The following ZNF415 variants were observed in gnomAD, a reference collection of about 807,000 sequenced individuals.
ZNF415 encodes zinc finger protein 415.
Under a neutral mutation model 7.3 loss-of-function variants are expected in ZNF415, and 5 were observed. That is an observed-to-expected ratio of 0.69 (90% CI 0.36 to 1.44). The LOEUF is 1.44. Among genes scored for constraint, ZNF415 ranks in the 40% most tolerant of loss-of-function variants. The pLI, the probability that ZNF415 is intolerant of heterozygous loss-of-function variation, is 0.04. For missense variants in ZNF415, 628 were observed against 664.8 expected, an observed-to-expected ratio of 0.94 and a Z score of 0.61; for synonymous variants, 207 against 226.3, an observed-to-expected ratio of 0.91 and a Z score of 0.77.
chr19:53,131,227 T>C (rs2090036379), intron 1 of ZNF415, among the ~76,000 whole-genome samples: 1 of 151,964 alleles, frequency 6.6e-6, no homozygotes, highest in Non-Finnish European at 1.5e-5. Context: ...AGTCTTTCAC[T>C]TTCTGCCCAG....
At position 53,113,368 on chromosome 19, in the gene ZNF415, A is replaced by G. The variant is rs1342852385; in HGVS notation, c.136+2945T>C. On this transcript the variant is annotated intron_variant, in intron 3 of 3. Coordinates refer to ENST00000243643, the MANE Select transcript of ZNF415 (RefSeq NM_018355.4). ...CTAAAAATACAAAAATTAGCCGGGC[A>G]TGGTGGCGCACGCCTGTAGTCCCAG... Among the ~76,000 whole-genome samples the G allele has an allele frequency of 5.5e-4, 44 of 79,332 alleles. 18 individuals are homozygous for G. Among genetic ancestry groups the G allele is most frequent in the Non-Finnish European group, 7.3e-4 (29 of 39,634 alleles). 52.0% of individuals were successfully genotyped at this position (79,332 alleles called of 152,430 possible).
intron 3 of ZNF415, among the ~76,000 whole-genome samples, chr19:53,114,356 T>A (rs2086685144): frequency 6.6e-6 from 1 of 152,172 alleles, no homozygotes; most frequent in African/African-American, 2.4e-5. Flanking sequence ...TTTGTATTTT[T>A]AGTAGAGACG....
At chr19:53,129,849 A>C (rs2089812932) in intron 1 of ZNF415, 1 of 370,456 alleles carries the variant, frequency 2.7e-6, no homozygotes, top group Admixed American at 4.6e-5. Flanking sequence ...AGATTACTTG[A>C]GGCCAGGAGT....
chr19:53,109,737 T>C lies in ZNF415; in HGVS notation c.308A>G (p.Asp103Gly). ...AGTCACTTTGTTGCAATTTCTTTCA[T>C]CATCTCTCCACTGACAGTCAAAGTC... ...IHDFDCQWRD[D>G]ERNCNKVTTA... Residue 103 changes from aspartate (D) to glycine (G), a missense_variant, in exon 4 of 4, where the codon GAT becomes GGT. Asp to Gly is a moderately conservative substitution (Grantham distance 94). Transcript: ENST00000243643. 1 of 1,614,024 alleles carries C rather than the reference T, an allele frequency of 6.2e-7. No homozygotes were observed. The highest frequency in any genetic ancestry group is 8.5e-7 in the Non-Finnish European group (1 of 1,179,998).
In ZNF415 at chr19:53,126,018, CAA is replaced by C. The variant is rs58522981; in HGVS notation, c.-67-3277_-67-3276del. Among the ~76,000 whole-genome samples the C allele has an allele frequency of 5.8e-3, 641 of 111,228 alleles. 4 individuals are homozygous for C. Among genetic ancestry groups the C allele is most frequent in the African/African-American group, 0.016 (413 of 25,206 alleles). 73.0% of individuals were successfully genotyped at this position (111,228 alleles called of 152,430 possible). On this transcript the variant is annotated intron_variant, in intron 1 of 3. Coordinates refer to ENST00000243643, the MANE Select transcript of ZNF415 (RefSeq NM_018355.4). ...TTACCATTATTATTCCTGGTGTAGACAAAAAAAAAAAAAAAGAGCCTGGCACA... is the reference window on the plus strand; with the variant it reads ...TTACCATTATTATTCCTGGTGTAGACAAAAAAAAAAAAAGAGCCTGGCACA...
chr19:53,117,936 G>A (rs940625544), intron 2 of ZNF415, among the ~76,000 whole-genome samples: 2 of 152,102 alleles, frequency 1.3e-5, no homozygotes, highest in Admixed American at 1.3e-4. Flanking sequence ...AATTAATAAA[G>A]TGACAGTAAT....
intron 2 of ZNF415, among the ~76,000 whole-genome samples, chr19:53,119,372 G>A (rs1477972989): frequency 6.8e-6 from 1 of 146,566 alleles, no homozygotes; most frequent in Non-Finnish European, 1.5e-5. Flanking sequence ...TTGAACCAGG[G>A]AGGTGGAGGT....
At chr19:53,124,937 G>C (rs1403942070) in intron 1 of ZNF415, among the ~76,000 whole-genome samples, 1 of 152,148 alleles carries the variant, frequency 6.6e-6, no homozygotes, top group African/African-American at 2.4e-5. Flanking sequence ...CAGCTACACA[G>C]GGACAGAAGC....
intron 2 of ZNF415, among the ~76,000 whole-genome samples, chr19:53,120,909 C>CGAG: frequency 1.3e-5 from 2 of 151,444 alleles, no homozygotes; most frequent in East Asian, 3.9e-4. Context: ...CACGGTGAAA[C>CGAG]CCCGTCTCTA....
At chr19:53,127,359 A>G (rs2089320658) in intron 1 of ZNF415, among the ~76,000 whole-genome samples, 1 of 152,192 alleles carries the variant, frequency 6.6e-6, no homozygotes, top group African/African-American at 2.4e-5. Context: ...AAATTTCGCA[A>G]GTCCCAGTAA....
At chr19:53,127,415 G>A (rs955924520) in intron 1 of ZNF415, among the ~76,000 whole-genome samples, 2 of 152,114 alleles carry the variant, frequency 1.3e-5, no homozygotes, top group East Asian at 1.9e-4. Context: ...ACTGACCCAC[G>A]ACAATGTATT....
Position 53,109,771 on chromosome 19 carries a change from T to G in ZNF415, c.274A>C (p.Lys92Gln). The change falls in exon 4 of 4, where the codon AAA (lysine) becomes CAA (glutamine). Residue 92 changes from lysine to glutamine, a missense_variant. By Grantham distance (53) the Lys-to-Gln change is moderately conservative. Transcript: ENST00000243643. ...EEFCFREIKK[K>Q]IHDFDCQWRD... ...CACTGACAGTCAAAGTCGTGTATTTTTTTCTTGATTTCCCTGAAGCAAAAC... is the reference window on the plus strand; with the variant it reads ...CACTGACAGTCAAAGTCGTGTATTTGTTTCTTGATTTCCCTGAAGCAAAAC... The G allele has an allele frequency of 6.2e-7, 1 of 1,614,128 alleles. No individual in the cohort carries two copies. The highest frequency in any genetic ancestry group is 1.1e-5 in the South Asian group (1 of 91,068).
intron 1 of ZNF415, among the ~76,000 whole-genome samples, chr19:53,125,340 C>A (rs1038272627): frequency 4.0e-5 from 6 of 150,786 alleles, no homozygotes; most frequent in Non-Finnish European, 7.4e-5. Context: ...CCGCGCCTGG[C>A]CTTTTTTTTT....
intron 1 of ZNF415, among the ~76,000 whole-genome samples, chr19:53,131,496 G>T (rs978169991): frequency 6.6e-6 from 1 of 152,144 alleles, no homozygotes; most frequent in Non-Finnish European, 1.5e-5. Flanking sequence ...CATCCAGTCA[G>T]TTCACAACTC....
chr19:53,131,265 C>T (rs1348296241), intron 1 of ZNF415, among the ~76,000 whole-genome samples: 1 of 151,898 alleles, frequency 6.6e-6, no homozygotes, highest in African/African-American at 2.4e-5. Context: ...CCCTTCCCCT[C>T]CCCCTGCCCC....
chr19:53,111,943 T>C (rs2086294386), intron 3 of ZNF415, among the ~76,000 whole-genome samples: 1 of 152,106 alleles, frequency 6.6e-6, no homozygotes. Context: ...TCAGACTTTT[T>C]TTTATTTTTA....
intron 3 of ZNF415, 41 bp downstream of exon 3, chr19:53,116,272 C>G: frequency 6.3e-7 from 1 of 1,579,324 alleles, no homozygotes; most frequent in East Asian, 2.2e-5. Flanking sequence ...TGGAAAGATA[C>G]CAAGGGCAGA....
intron 1 of ZNF415, among the ~76,000 whole-genome samples, chr19:53,130,224 T>C (rs1411624060): frequency 1.3e-5 from 2 of 152,174 alleles, no homozygotes; most frequent in Admixed American, 6.5e-5. Context: ...AATTGAATAA[T>C]AGACTAGTTA....
intron 1 of ZNF415, among the ~76,000 whole-genome samples, chr19:53,125,484 C>T (rs117897115): frequency 0.015 from 2,351 of 151,968 alleles, 33 homozygotes; most frequent in South Asian, 0.052. Flanking sequence ...ACAAGAGGCA[C>T]GAGCCACCAC....
Sources: allele counts gnomAD v4.1 joint callset (sites outside exome capture counted in the v4.1 genomes callset), GRCh38; gene constraint gnomAD v4.1.1; transcripts MANE v1.5; gene names NCBI Gene and HGNC (gene_info 2026-07-23, HGNC 2026-07-21).